The following TTLL7 variants were observed in gnomAD, a reference collection of about 807,000 sequenced individuals.
TTLL7 encodes the protein tubulin polyglutamylase TTLL7.
TTLL7 carries 53 observed loss-of-function variants against 120.2 expected under a neutral mutation model. The ratio of observed to expected loss-of-function variants is 0.44; its 90% confidence interval spans 0.35 to 0.55. The LOEUF (loss-of-function observed/expected upper bound fraction) is 0.55. Among genes scored for constraint, TTLL7 ranks in the 20% least tolerant of loss-of-function variants. The pLI, the probability that TTLL7 is intolerant of heterozygous loss-of-function variation, is 0.00. For synonymous variants in TTLL7, 353 were observed against 351.7 expected (o/e 1.00, Z -0.04); for missense variants, 803 against 1,054.7 (o/e 0.76, Z 3.31).
At position 83,970,114 on chromosome 1, in the gene TTLL7, T is replaced by G. The variant is rs150787895; in HGVS notation, c.-176-17727A>C. On this transcript the variant is annotated intron_variant, in intron 1 of 20. Coordinates refer to ENST00000260505, the MANE Select transcript of TTLL7 (RefSeq NM_024686.6). ...TTTTACTATACATTATTGATAAATC[T>G]TAAAATAATCTATAGGATTGGCTAC... Among the ~76,000 whole-genome samples the G allele has an allele frequency of 5.3e-5, 8 of 152,156 alleles. No individual in the cohort carries two copies. The East Asian group carries it at 1.4e-3, about 26-fold the overall frequency.
At chr1:83,901,143 C>G (rs976598266) in intron 18 of TTLL7, among the ~76,000 whole-genome samples, 1 of 152,002 alleles carries the variant, frequency 6.6e-6, no homozygotes, top group Admixed American at 6.6e-5. Flanking sequence ...CTTCCTCAAA[C>G]TCCTCCTCTA....
At chr1:83,878,026 C>G (rs1454536048) in intron 20 of TTLL7, among the ~76,000 whole-genome samples, 1 of 151,626 alleles carries the variant, frequency 6.6e-6, no homozygotes, top group Non-Finnish European at 1.5e-5. Context: ...TTTTTGTTAT[C>G]ACTTAGTTCA....
chr1:83,991,925 A>AGTATCT (rs1653039348), intron 1 of TTLL7, among the ~76,000 whole-genome samples: 4 of 152,146 alleles, frequency 2.6e-5, no homozygotes, highest in Admixed American at 1.3e-4. Context: ...GTAGGTTCTA[A>AGTATCT]AAACAAAATT....
At chr1:83,948,245 A>G (rs560499221) in intron 5 of TTLL7, among the ~76,000 whole-genome samples, 2 of 152,094 alleles carry the variant, frequency 1.3e-5, no homozygotes, top group South Asian at 4.2e-4. Context: ...AGTTCCTGCA[A>G]AATTTGACTG....
chr1:83,970,662 C>G (rs985649288), intron 1 of TTLL7, among the ~76,000 whole-genome samples: 2 of 152,024 alleles, frequency 1.3e-5, no homozygotes, highest in African/African-American at 4.8e-5. Flanking sequence ...CTCCTGTCTA[C>G]CTTTTAATTG....
At position 83,955,498 on chromosome 1, in the gene TTLL7, C is replaced by T. The variant is rs541269026; in HGVS notation, c.-176-3111G>A. The stretch of plus-strand genomic sequence containing the variant: ...CACACAACCTTTCCATCCCTTCCAC[C>T]ATGAGAACACAGCATCCATCTCCTT... On this transcript the variant is annotated intron_variant, in intron 1 of 20. Transcript: ENST00000260505. Among the ~76,000 whole-genome samples, 5 of 152,274 alleles carry T rather than the reference C, an allele frequency of 3.3e-5. No homozygotes were observed. The East Asian group carries it at 7.7e-4, about 24-fold the overall frequency.
rs1169473458 is a variant in TTLL7, at chr1:83,868,750, C to T, written c.*1212G>A. ...CGAAACAGGAGAAATTGTATTTAAC[C>T]ACATGTTAAACCCATCAAAGATATA... On this transcript the variant is annotated 3_prime_UTR_variant, in exon 21 of 21. Coordinates refer to ENST00000260505, the MANE Select transcript of TTLL7 (RefSeq NM_024686.6). 6.6e-6 allele frequency: 1 copy of T among 151,918 alleles called. No homozygotes were observed. Among genetic ancestry groups the T allele is most frequent in the Non-Finnish European group, 1.5e-5 (1 of 67,970 alleles). The allele number at this position is 151,918 out of a possible 1,614,324, so 9.4% of individuals were successfully genotyped here.
chr1:83,891,457 A>G (rs1655454087), intron 18 of TTLL7, among the ~76,000 whole-genome samples: 1 of 152,142 alleles, frequency 6.6e-6, no homozygotes, highest in South Asian at 2.1e-4. Flanking sequence ...CTCTTAAGAC[A>G]TTGCTAGTGT....
intron 1 of TTLL7, among the ~76,000 whole-genome samples, chr1:83,970,355 A>G (rs966962650): frequency 1.3e-5 from 2 of 152,100 alleles, no homozygotes; most frequent in African/African-American, 4.8e-5. Context: ...GTTACAGTAC[A>G]GGTTATATTT....
At chr1:83,981,123 A>G (rs948405872) in intron 1 of TTLL7, 2 of 152,210 alleles carry the variant, frequency 1.3e-5, no homozygotes, top group South Asian at 4.1e-4. Flanking sequence ...AAGAAAGGAA[A>G]TAAAAAATGA....
chr1:83,902,327 T>G (rs1186235009), intron 18 of TTLL7: 2 of 151,894 alleles, frequency 1.3e-5, no homozygotes, highest in Non-Finnish European at 2.9e-5. Context: ...TATAGCAAAA[T>G]TCCTTGAAAA....
At chr1:83,947,368 A>G in intron 5 of TTLL7, 86 bp from the exon 6 acceptor site, 1 of 1,252,582 alleles carries the variant, frequency 8.0e-7, no homozygotes. Context: ...TTTGCCACAA[A>G]GATTTAAATT....
chr1:83,952,140 G>GT (rs1369901803), intron 2 of TTLL7, 47 bp downstream of exon 2: 1 of 1,563,008 alleles, frequency 6.4e-7, no homozygotes, highest in Non-Finnish European at 8.8e-7. Context: ...CAGTAATGAT[G>GT]TATAACACCT....
At chr1:83,973,953 C>T (rs1290008598) in intron 1 of TTLL7, among the ~76,000 whole-genome samples, 1 of 151,918 alleles carries the variant, frequency 6.6e-6, no homozygotes, top group Non-Finnish European at 1.5e-5. Context: ...CAGGGTTATG[C>T]TTATACAAGC....
At chr1:83,917,224 G>T (rs1658269519) in intron 14 of TTLL7, among the ~76,000 whole-genome samples, 1 of 152,026 alleles carries the variant, frequency 6.6e-6, no homozygotes, top group Admixed American at 6.6e-5. Context: ...AAAAGACAGG[G>T]CTTCTAATTA....
chr1:83,873,776 C>T (rs567466363), intron 20 of TTLL7, among the ~76,000 whole-genome samples: 4 of 152,192 alleles, frequency 2.6e-5, no homozygotes, highest in South Asian at 2.1e-4. Flanking sequence ...TGGAACATGA[C>T]GCATTTCAAG....
intron 9 of TTLL7, among the ~76,000 whole-genome samples, chr1:83,930,992 GGTT>G (rs1659552329): frequency 6.6e-6 from 1 of 150,480 alleles, no homozygotes; most frequent in Non-Finnish European, 1.5e-5. Context: ...TTTCATTCAG[GGTT>G]GTTCTTGTTT....
intron 7 of TTLL7, 91 bp downstream of exon 7, chr1:83,942,372 T>C (rs1425001037): frequency 4.7e-6 from 5 of 1,061,860 alleles, no homozygotes; most frequent in Middle Eastern, 2.1e-4. Flanking sequence ...GGAGCAACTT[T>C]CATTCATACA....
chr1:83,879,199 C>A lies in TTLL7; in HGVS notation c.2543+3764G>T, dbSNP rs369465601. Reference sequence around the variant, plus strand: ...AAAATGCTAAAGAGTCCGTTTCTTACCTATGAGGAAAAGAAATATGGCCAC... The same window carrying A: ...AAAATGCTAAAGAGTCCGTTTCTTAACTATGAGGAAAAGAAATATGGCCAC... On this transcript the variant is annotated intron_variant, in intron 20 of 20. Coordinates refer to ENST00000260505, the MANE Select transcript of TTLL7 (RefSeq NM_024686.6). Among the ~76,000 whole-genome samples, 67 of 151,950 alleles carry A rather than the reference C, an allele frequency of 4.4e-4. 1 individual carries two copies. The South Asian group carries it at 0.013, about 29-fold the overall frequency.
Sources: gnomAD v4.1 joint callset for allele counts (sites outside exome capture counted in the v4.1 genomes callset) on GRCh38, gnomAD v4.1.1 for gene constraint, MANE v1.5 for transcripts, NCBI Gene and HGNC (gene_info 2026-07-23, HGNC 2026-07-21) for gene names.